The following SPRY3 variants were observed in gnomAD, a reference collection of about 807,000 sequenced individuals.
SPRY3 encodes the protein sprouty RTK signaling antagonist 3, also known as protein sprouty homolog 3.
Under a neutral mutation model 20.2 loss-of-function variants are expected in SPRY3, and 15 were observed. The ratio of observed to expected loss-of-function variants is 0.74; its 90% CI spans 0.50 to 1.14. SPRY3 has a LOEUF of 1.14. Ranked by LOEUF, SPRY3 falls within the 50% of genes most tolerant of loss-of-function variation. The pLI is 0.00. For missense variants in SPRY3, 364 were observed against 363.9 expected (o/e 1.00, Z 0.00); for synonymous variants, 143 against 136.5 (o/e 1.05, Z -0.33).
At chrX:155,658,228 A>T (rs781815634) in intron 2 of SPRY3, among the ~76,000 whole-genome samples, 1 of 111,660 alleles carries the variant, frequency 9.0e-6, no homozygotes, top group Admixed American at 9.5e-5. Flanking sequence ...ATTCTGTGGA[A>T]AATGACGTTG....
chrX:155,733,117 T>C (rs2091144991), intron 2 of SPRY3, among the ~76,000 whole-genome samples: 1 of 151,942 alleles, frequency 6.6e-6, no homozygotes, highest in Non-Finnish European at 1.5e-5. Context: ...TATTTAATAA[T>C]AATTTAGTTG....
exon 4 of SPRY3, chrX:155,774,824 T>G: frequency 6.8e-7 from 1 of 1,466,992 alleles, no homozygotes; most frequent in South Asian, 1.4e-5. Flanking sequence ...GGGGGAGGAG[T>G]GATAAACTAG....
intron 2 of SPRY3, among the ~76,000 whole-genome samples, chrX:155,731,191 C>G (rs2091129998): frequency 6.6e-6 from 1 of 152,094 alleles, no homozygotes; most frequent in South Asian, 2.1e-4. Flanking sequence ...ACAAAAGACC[C>G]AGAATAGCCA....
At chrX:155,644,009 C>G (rs1388562686) in intron 1 of SPRY3, among the ~76,000 whole-genome samples, 3 of 111,274 alleles carry the variant, frequency 2.7e-5, no homozygotes, top group African/African-American at 6.5e-5. Context: ...TCACTAACGT[C>G]CTTTTCTTTC....
rs766891648 is a variant in SPRY3 at position 155,717,079 on chromosome X, A to G, written c.-281-50883A>G. ...GAGGCTGAGGCAGGATAATTGCTTG[A>G]ACCCGGGAAGCAGAGGTTGCAGTGA... On this transcript the variant is annotated intron_variant, in intron 2 of 3. Transcript: ENST00000675360. 2.8e-5 allele frequency among the ~76,000 whole-genome samples: 4 copies of G among 144,314 alleles called. No homozygotes were observed. The South Asian group carries it at 9.1e-4, about 33-fold the overall frequency. 94.7% of individuals were successfully genotyped at this position (144,314 alleles called of 152,430 possible). A position where few individuals can be genotyped will look rare whatever the true frequency, so the allele number is the denominator to read the frequency against.
chrX:155,705,399 TTTTAAA>T (rs2090943329), intron 2 of SPRY3, among the ~76,000 whole-genome samples: 1 of 151,380 alleles, frequency 6.6e-6, no homozygotes, highest in Non-Finnish European at 1.5e-5. Flanking sequence ...AAAGCAGAAT[TTTTAAA>T]TGCTCAAATA....
intron 3 of SPRY3, among the ~76,000 whole-genome samples, chrX:155,772,774 A>G (rs1172708127): frequency 1.3e-5 from 2 of 152,132 alleles, no homozygotes; most frequent in Non-Finnish European, 2.9e-5. Flanking sequence ...CTTTCTAGAC[A>G]TTCAACTTAG....
intron 2 of SPRY3, among the ~76,000 whole-genome samples, chrX:155,722,163 G>T (rs2091063625): frequency 6.6e-6 from 1 of 152,024 alleles, no homozygotes; most frequent in African/African-American, 2.4e-5. Flanking sequence ...AAAATAATGG[G>T]TTATAAGCTA....
chrX:155,768,782 T>G (rs1380149255), intron 3 of SPRY3, among the ~76,000 whole-genome samples: 4 of 152,222 alleles, frequency 2.6e-5, no homozygotes, highest in Non-Finnish European at 5.9e-5. Context: ...CACGTCTAGT[T>G]AGCCAATAGG....
chrX:155,747,196 G>T (rs1454324958), intron 2 of SPRY3, among the ~76,000 whole-genome samples: 1 of 151,868 alleles, frequency 6.6e-6, no homozygotes, highest in Non-Finnish European at 1.5e-5. Context: ...TTTGGAAGGG[G>T]CCCTAGAGCT....
intron 2 of SPRY3, among the ~76,000 whole-genome samples, chrX:155,682,242 G>C (rs1451107769): frequency 8.9e-6 from 1 of 112,542 alleles, no homozygotes; most frequent in African/African-American, 3.2e-5. Context: ...AAGCCTGGAA[G>C]GCAGCACACC....
intron 2 of SPRY3, among the ~76,000 whole-genome samples, chrX:155,683,085 GA>G (rs1414201554): frequency 8.9e-6 from 1 of 112,048 alleles, no homozygotes; most frequent in Non-Finnish European, 1.9e-5. Context: ...AATGAAAATA[GA>G]AAGTGGTTTC....
chrX:155,743,552 G>A (rs1320187571), intron 2 of SPRY3, among the ~76,000 whole-genome samples: 3 of 152,128 alleles, frequency 2.0e-5, no homozygotes, highest in Non-Finnish European at 4.4e-5. Context: ...GTAACACTGT[G>A]AGGGTAAAAT....
intron 2 of SPRY3, among the ~76,000 whole-genome samples, chrX:155,721,256 C>A (rs1184585957): frequency 1.3e-5 from 2 of 151,196 alleles, no homozygotes; most frequent in African/African-American, 2.4e-5. Flanking sequence ...TCAGAGAAAC[C>A]AAAATAAAAA....
chrX:155,716,804 T>C (rs1264723018), intron 2 of SPRY3, among the ~76,000 whole-genome samples: 1 of 151,244 alleles, frequency 6.6e-6, no homozygotes, highest in African/African-American at 2.4e-5. Flanking sequence ...ATAACTGTAG[T>C]CCATAAGTCT....
At chrX:155,751,011 T>A (rs1157774737) in intron 2 of SPRY3, among the ~76,000 whole-genome samples, 2 of 151,608 alleles carry the variant, frequency 1.3e-5, no homozygotes, top group Admixed American at 1.3e-4. Flanking sequence ...AAATCTAAAG[T>A]CAGGTAAGAA....
intron 2 of SPRY3, among the ~76,000 whole-genome samples, chrX:155,752,169 A>C (rs2091266907): frequency 6.6e-6 from 1 of 151,650 alleles, no homozygotes. Context: ...AGTCAAAGTG[A>C]ATATCCTCTT....
intron 2 of SPRY3, among the ~76,000 whole-genome samples, chrX:155,687,402 C>G (rs1365056816): frequency 2.7e-5 from 3 of 112,577 alleles, no homozygotes; most frequent in Non-Finnish European, 5.6e-5. Flanking sequence ...ACTAATATTT[C>G]AATTAGAACT....
intron 2 of SPRY3, among the ~76,000 whole-genome samples, chrX:155,680,158 G>T (rs2068069711): frequency 9.7e-6 from 1 of 102,902 alleles, no homozygotes; most frequent in Non-Finnish European, 2.0e-5. Flanking sequence ...GTGTGTGTGT[G>T]TGTGTGTGTG....
Sources: allele counts gnomAD v4.1 joint callset (sites outside exome capture counted in the v4.1 genomes callset), GRCh38; gene constraint gnomAD v4.1.1; transcripts MANE v1.5; gene names NCBI Gene and HGNC (gene_info 2026-07-23, HGNC 2026-07-21).